TPO: variants seen among roughly 807,000 people sequenced by gnomAD.
The protein encoded by TPO is thyroid microsomal antigen.
Under a neutral mutation model 96.9 loss-of-function variants are expected in TPO, and 78 were observed. The observed-to-expected ratio is 0.81, with a 90% CI of 0.67 to 0.97. The LOEUF is 0.97. TPO is among the 50% of genes least tolerant of loss of function. The pLI, the probability that TPO is intolerant of heterozygous loss-of-function variation, is 0.00. For synonymous variants in TPO, 547 were observed against 538.0 expected (o/e 1.02, Z -0.23); for missense variants, 1,252 against 1,274.8 (o/e 0.98, Z 0.27).
chr2:1,523,511 T>A (rs1334608556), intron 15 of TPO, among the ~76,000 whole-genome samples: 2 of 70,984 alleles, frequency 2.8e-5, no homozygotes, highest in Non-Finnish European at 5.3e-5. Flanking sequence ...CCCGACTCTA[T>A]GCAACCTCCC....
In TPO at chr2:1,503,996, C is replaced by G. The variant is rs752390603; in HGVS notation, c.2435C>G (p.Ala812Gly). ...DGAHPPCHASARCRNTKGGFQ... is the reference protein window; with the variant it reads ...DGAHPPCHASGRCRNTKGGFQ... ...GCCCACCCCCCCTGCCACGCCTCTGCGAGGTGCAGAAACACCAAAGGCGGC... is the reference window on the plus strand; with the variant it reads ...GCCCACCCCCCCTGCCACGCCTCTGGGAGGTGCAGAAACACCAAAGGCGGC... The change falls in exon 14 of 17, where the codon GCG (alanine) becomes GGG (glycine). Residue 812 changes from alanine (A) to glycine (G), a missense_variant. By Grantham distance (60) the Ala-to-Gly change is moderately conservative. Coordinates refer to ENST00000329066, the MANE Select transcript of TPO (RefSeq NM_001206744.2). 6.2e-7 allele frequency: 1 copy of G among 1,614,192 alleles called. No homozygotes were observed. Among genetic ancestry groups the G allele is most frequent in the South Asian group, 1.1e-5 (1 of 91,086 alleles).
In TPO at chr2:1,495,331, C is replaced by T. The variant is rs962667520; in HGVS notation, c.2007-658C>T. On this transcript the variant is annotated intron_variant, in intron 11 of 16. Coordinates refer to ENST00000329066, the MANE Select transcript of TPO (RefSeq NM_001206744.2). ...ATGCACATGGGAGATGCATGCTTTA[C>T]GGCATTCAGGCCAGGAGCTATTGGG... Among the ~76,000 whole-genome samples, 5 of 152,304 alleles carry T rather than the reference C, an allele frequency of 3.3e-5. No individual in the cohort carries two copies. In the East Asian group the frequency reaches 5.8e-4, roughly 18 times the overall value.
chr2:1,541,058 T>C, intron 16 of TPO: 1 of 1,261,442 alleles, frequency 7.9e-7, no homozygotes. Context: ...CCCTGACTTT[T>C]AAATTCTGAT....
chr2:1,407,019 A>T (rs1183602981), intron 1 of TPO, among the ~76,000 whole-genome samples: 1 of 152,212 alleles, frequency 6.6e-6, no homozygotes, highest in South Asian at 2.1e-4. Flanking sequence ...AGACACAGGC[A>T]CTGGACATTG....
At chr2:1,483,344 C>G (rs1670820261) in intron 8 of TPO, among the ~76,000 whole-genome samples, 1 of 152,220 alleles carries the variant, frequency 6.6e-6, no homozygotes, top group Non-Finnish European at 1.5e-5. Context: ...GAAGAGGTGT[C>G]TTCCTTAAAA....
chr2:1,454,529 A>G (rs6708273), intron 6 of TPO, among the ~76,000 whole-genome samples: 141,436 of 152,210 alleles, frequency 0.93, 65,790 homozygotes, highest in South Asian at 0.98. Context: ...AGGACCTGGT[A>G]TTCCCAGAAG....
chr2:1,408,449 C>T (rs543712692), intron 1 of TPO, among the ~76,000 whole-genome samples: 2 of 152,238 alleles, frequency 1.3e-5, no homozygotes, highest in East Asian at 1.9e-4. Context: ...TCGAGTTGTG[C>T]GTGGGCTGCT....
rs556996597 is a variant in TPO at position 1,527,479 on chromosome 2, C to T, written c.2618+10497C>T. ...CCCACTGTGTGCAACCTCCTCAAAT[C>T]CCCCCATCTGTGTGCGACCTCCCCA... On this transcript the variant is annotated intron_variant, in intron 15 of 16. Coordinates refer to ENST00000329066, the MANE Select transcript of TPO (RefSeq NM_001206744.2). 4.1e-4 allele frequency among the ~76,000 whole-genome samples: 60 copies of T among 145,788 alleles called. 1 individual carries two copies. The South Asian group carries it at 6.2e-3, about 15-fold the overall frequency.
intron 5 of TPO, among the ~76,000 whole-genome samples, chr2:1,447,090 G>A (rs1666898212): frequency 6.6e-6 from 1 of 152,172 alleles, no homozygotes; most frequent in African/African-American, 2.4e-5. Context: ...GTGTTCCAAA[G>A]CTAACCTGAA....
At chr2:1,443,080 A>T (rs1290532040) in intron 5 of TPO, among the ~76,000 whole-genome samples, 1 of 152,226 alleles carries the variant, frequency 6.6e-6, no homozygotes, top group Non-Finnish European at 1.5e-5. Flanking sequence ...TAAAACAAAC[A>T]AACAAAAAAT....
Position 1,537,712 on chromosome 2 carries a change from GCGACCTCCCCAAATCCCC to G in TPO, c.2619-2880_2619-2863del, listed in dbSNP as rs1680145217. ...GAACCTCCTCAAATCCCAACTGTGA[GCGACCTCCCCAAATCCCC>G]CAACTGTCTGCAAACTCCCCACATC... On this transcript the variant is annotated intron_variant, in intron 15 of 16. Coordinates refer to ENST00000329066, the MANE Select transcript of TPO (RefSeq NM_001206744.2). 3.4e-4 allele frequency among the ~76,000 whole-genome samples: 36 copies of G among 105,106 alleles called. 1 individual carries two copies. In the South Asian group the frequency reaches 0.011, roughly 31 times the overall value. The allele number at this position is 105,106 out of a possible 152,430, so 69.0% of individuals were successfully genotyped here. A position where few individuals can be genotyped will look rare whatever the true frequency, so the allele number is the denominator to read the frequency against.
intron 5 of TPO, among the ~76,000 whole-genome samples, chr2:1,442,872 C>T (rs1397939051): frequency 6.6e-6 from 1 of 152,168 alleles, no homozygotes; most frequent in Admixed American, 6.5e-5. Context: ...TAATGGCCAC[C>T]TTTGAAGCCC....
intron 1 of TPO, among the ~76,000 whole-genome samples, chr2:1,385,058 A>G (rs1474297729): frequency 6.6e-6 from 1 of 152,194 alleles, no homozygotes; most frequent in Admixed American, 6.5e-5. Context: ...CCCAGGGATG[A>G]AGCCCATTTG....
At chr2:1,402,366 C>T (rs1347956867) in intron 1 of TPO, among the ~76,000 whole-genome samples, 1 of 152,158 alleles carries the variant, frequency 6.6e-6, no homozygotes, top group Non-Finnish European at 1.5e-5. Flanking sequence ...CCCGTGGAAT[C>T]TCCAGACCCC....
intron 3 of TPO, among the ~76,000 whole-genome samples, chr2:1,431,577 C>T (rs1048345174): frequency 2.0e-5 from 3 of 152,202 alleles, no homozygotes; most frequent in Admixed American, 6.5e-5. Context: ...TGATCACTAC[C>T]GTCAAACAAA....
intron 16 of TPO, 52 bp downstream of exon 16, chr2:1,540,775 G>A (rs765891941): frequency 6.2e-7 from 1 of 1,613,062 alleles, no homozygotes; most frequent in Non-Finnish European, 8.5e-7. Flanking sequence ...TGGTTGGACA[G>A]GATCTGGGTG....
chr2:1,534,408 A>C (rs1679049948), intron 15 of TPO, among the ~76,000 whole-genome samples: 1 of 119,340 alleles, frequency 8.4e-6, no homozygotes, highest in Non-Finnish European at 1.8e-5. Context: ...ACCTCCCCAA[A>C]TCCGCCCCCA....
intron 1 of TPO, among the ~76,000 whole-genome samples, chr2:1,387,675 A>G (rs551173279): frequency 4.6e-5 from 7 of 152,068 alleles, no homozygotes; most frequent in Non-Finnish European, 8.8e-5. Flanking sequence ...TTTAGCTTGG[A>G]GAAGTTTGAT....
chr2:1,380,744 A>G (rs1415778107), intron 1 of TPO, among the ~76,000 whole-genome samples: 1 of 152,214 alleles, frequency 6.6e-6, no homozygotes, highest in Non-Finnish European at 1.5e-5. Context: ...GAGAGAATGC[A>G]TTAGGCTGTT....
Sources: gnomAD v4.1 joint callset for allele counts (sites outside exome capture counted in the v4.1 genomes callset) on GRCh38, gnomAD v4.1.1 for gene constraint, MANE v1.5 for transcripts, NCBI Gene and HGNC (gene_info 2026-07-23, HGNC 2026-07-21) for gene names.